Variants in NRXN2 observed in about 807,000 individuals in gnomAD.
NRXN2 encodes neurexin 2.
NRXN2 carries 29 observed loss-of-function variants against 128.8 expected under a neutral mutation model. The observed-to-expected ratio is 0.23, with a 90% CI of 0.17 to 0.31. The LOEUF (loss-of-function observed/expected upper bound fraction) is 0.31. Among genes scored for constraint, NRXN2 ranks in the 10% least tolerant of loss-of-function variants. The probability of loss-of-function intolerance (pLI) is 1.00; values close to 1 mark genes in which losing one functional copy is unlikely to be tolerated. For synonymous variants in NRXN2, 1,098 were observed against 1,075.2 expected (o/e 1.02, Z -0.41); for missense variants, 1,881 against 2,452.6 (o/e 0.77, Z 4.92).
chr11:64,648,345 G>A lies in NRXN2; in HGVS notation c.3284-7C>T. On this transcript the variant is annotated splice_region_variant and splice_polypyrimidine_tract_variant and intron_variant, in intron 16 of 22. Coordinates refer to ENST00000265459, the MANE Select transcript of NRXN2 (RefSeq NM_015080.4). The surrounding 1 kb of genome is among the most constrained non-coding windows in gnomAD (Gnocchi z 4.1). ...GTGCAGGTGGTGCTGGGGCCTGGAA[G>A]GGGCAGGAGAAAGGAACACCCCTGG... 1 of 1,614,162 alleles carries A rather than the reference G, an allele frequency of 6.2e-7. No individual in the cohort carries two copies. Among genetic ancestry groups the A allele is most frequent in the Non-Finnish European group, 8.5e-7 (1 of 1,180,018 alleles).
chr11:64,607,704 G>A lies in NRXN2; in HGVS notation c.4631C>T (p.Thr1544Met), dbSNP rs2039871718. Residue 1544 changes from threonine (T) to methionine (M), a missense_variant, in exon 23 of 23, where the codon ACG (threonine) becomes ATG (methionine). Transcript: ENST00000265459. The part of the protein sequence containing the change: ...PRPNLRTDGA[T>M]GAPGVLFAPS... ...GGCAAACAGCACCCCAGGGGCGCCC[G>A]TGGCCCCATCTGTCCTGAGGTTGGG... 2 of 1,547,906 alleles carry A rather than the reference G, an allele frequency of 1.3e-6. No individual in the cohort carries two copies. The highest frequency in any genetic ancestry group is 1.7e-6 in the Non-Finnish European group (2 of 1,144,296).
At chr11:64,704,753 A>T (rs2056041895) in intron 2 of NRXN2, among the ~76,000 whole-genome samples, 1 of 152,150 alleles carries the variant, frequency 6.6e-6, no homozygotes. Context: ...TCAGAAGTAC[A>T]GCAGTCAGGC....
chr11:64,618,919 G>A (rs537869522), intron 22 of NRXN2, among the ~76,000 whole-genome samples: 1 of 152,128 alleles, frequency 6.6e-6, no homozygotes, highest in Non-Finnish European at 1.5e-5. Flanking sequence ...GGGTCTGGGC[G>A]CCTGTGCCCC....
Position 64,623,100 on chromosome 11 carries a change from G to T in NRXN2, c.3848-22C>A. ...CGGCCTTGCAGGAGTGGAAGGGGGT[G>T]ACAGAGAAGGGGCAGGCAGTGAGGG... On this transcript the variant is annotated intron_variant, in intron 20 of 22. Coordinates refer to ENST00000265459, the MANE Select transcript of NRXN2 (RefSeq NM_015080.4). This position sits in a 1 kb window ranked among gnomAD's most constrained non-coding sequence, Gnocchi z 4.9. 1 of 1,585,302 alleles carries T rather than the reference G, an allele frequency of 6.3e-7. No individual in the cohort carries two copies. Among genetic ancestry groups the T allele is most frequent in the South Asian group, 1.1e-5 (1 of 87,736 alleles).
rs182958426 is a variant in NRXN2, at chr11:64,620,276, G to T, written c.4252+18C>A. ...TCGCAGAGGGACCCGGGGCAGGGGA[G>T]GGGGGAAAGGCACTCACCAGTACTG... is the stretch of plus-strand genomic sequence containing the variant. On this transcript the variant is annotated intron_variant, in intron 22 of 22. Transcript: ENST00000265459. The T allele has an allele frequency of 1.3e-6, 2 of 1,543,722 alleles. No individual in the cohort carries two copies. Among genetic ancestry groups the T allele is most frequent in the Non-Finnish European group, 1.8e-6 (2 of 1,140,558 alleles).
chr11:64,622,936 A>C lies in NRXN2; in HGVS notation c.3990T>G (p.Asn1330Lys), dbSNP rs1176724593. Residue 1330 changes from asparagine (N) to lysine (K), a missense_variant, in exon 21 of 23, where the codon AAT (asparagine) becomes AAG (lysine). Physicochemically the swap from Asn to Lys is moderately conservative, Grantham distance 94. Transcript: ENST00000265459. The surrounding 1 kb of genome is among the most constrained non-coding windows in gnomAD (Gnocchi z 4.3). ...GGCGCAGGTGACCCTCAGTCCGCAC[A>C]TTGGGGTCGCTCTCGGCGGCCAGCG... ...VLALAAESDP[N>K]VRTEGHLRLV... The C allele has an allele frequency of 3.7e-6, 6 of 1,613,160 alleles. No homozygotes were observed. The highest frequency in any genetic ancestry group is 5.1e-6 in the Non-Finnish European group (6 of 1,179,794).
intron 17 of NRXN2, among the ~76,000 whole-genome samples, chr11:64,638,608 G>C (rs1037176972): frequency 1.3e-5 from 2 of 152,212 alleles, no homozygotes; most frequent in African/African-American, 4.8e-5. Flanking sequence ...TCTAGAACCT[G>C]ACAGGCTCCA....
At chr11:64,719,882 G>T (rs2057390636) in intron 1 of NRXN2, among the ~76,000 whole-genome samples, 1 of 152,188 alleles carries the variant, frequency 6.6e-6, no homozygotes, top group African/African-American at 2.4e-5. Context: ...GTGCGTGCAG[G>T]GAAGGTTATG....
chr11:64,630,405 C>A lies in NRXN2; in HGVS notation c.3754G>T (p.Ala1252Ser). The A allele has an allele frequency of 6.2e-7, 1 of 1,611,030 alleles. No homozygotes were observed. The highest frequency in any genetic ancestry group is 8.5e-7 in the Non-Finnish European group (1 of 1,179,190). Residue 1252 changes from alanine (A) to serine (S), a missense_variant, in exon 19 of 23, where the codon GCA becomes TCA. Ala to Ser is a moderately conservative substitution (Grantham distance 99, BLOSUM62 1). Around this residue, in one of 7 missense-constraint regions of NRXN2, gnomAD observed 390 missense variants for 599.6 expected, o/e 0.65. Coordinates refer to ENST00000265459, the MANE Select transcript of NRXN2 (RefSeq NM_015080.4). The surrounding 1 kb of genome is among the most constrained non-coding windows in gnomAD (Gnocchi z 4.6). ...TCCGCGGGCCCGCGCCGCCTACCTG[C>A]CGGGTACCGCTCGTTGACCGGCCAG... ...DSWPVNERYP[A>S]GNFDNERLAI...
At chr11:64,700,324 C>T (rs2055158158) in intron 2 of NRXN2, among the ~76,000 whole-genome samples, 1 of 152,160 alleles carries the variant, frequency 6.6e-6, no homozygotes, top group Admixed American at 6.5e-5. Context: ...AAGCCATTCT[C>T]GACACCTCCA....
chr11:64,689,455 A>G (rs2053533064), intron 5 of NRXN2, among the ~76,000 whole-genome samples: 1 of 152,178 alleles, frequency 6.6e-6, no homozygotes, highest in Non-Finnish European at 1.5e-5. Context: ...GTGTTAGAAC[A>G]TCAATCAGCC....
chr11:64,634,593 G>GTGGAGC (rs553120245), intron 18 of NRXN2, among the ~76,000 whole-genome samples: 65 of 152,282 alleles, frequency 4.3e-4, no homozygotes, highest in South Asian at 1.5e-3. Flanking sequence ...GCTTCTCCCT[G>GTGGAGC]TGGAGCTGAG....
chr11:64,607,813 TG>T lies in NRXN2; in HGVS notation c.4521del (p.Thr1508ArgfsTer58). 3.1e-6 allele frequency: 5 copies of T among 1,600,060 alleles called. No homozygotes were observed. Among genetic ancestry groups the T allele is most frequent in the Admixed American group, 1.7e-5 (1 of 58,768 alleles). On this transcript the variant is annotated frameshift_variant, in exon 23 of 23. Transcript: ENST00000265459. LOFTEE classifies it low-confidence loss of function (END_TRUNC). ...SGEVFDSSLP[P>X]TDDEDFYTTF... ...GTGGTGTAAAAGTCCTCGTCGTCCG[TG>T]GGGGGGAGGCTGGAGTCAAAGACCT...
In NRXN2 at chr11:64,630,405, C is replaced by T. The variant is rs774749491; in HGVS notation, c.3754G>A (p.Ala1252Thr). Residue 1252 changes from alanine (A) to threonine (T), a missense_variant, in exon 19 of 23, where the codon GCA becomes ACA. Ala to Thr is a moderately conservative substitution (Grantham distance 58, BLOSUM62 0). Coordinates refer to ENST00000265459, the MANE Select transcript of NRXN2 (RefSeq NM_015080.4). The surrounding 1 kb of genome is among the most constrained non-coding windows in gnomAD (Gnocchi z 4.6). ...DSWPVNERYPAGNFDNERLAI... is the reference protein window; with the variant it reads ...DSWPVNERYPTGNFDNERLAI... ...TCCGCGGGCCCGCGCCGCCTACCTG[C>T]CGGGTACCGCTCGTTGACCGGCCAG... 8.7e-6 allele frequency: 14 copies of T among 1,611,030 alleles called. No homozygotes were observed. The South Asian group carries it at 1.4e-4, about 16-fold the overall frequency.
In NRXN2 at chr11:64,667,181, C is replaced by A; in HGVS notation, c.1798+69G>T. The A allele has an allele frequency of 1.3e-6, 2 of 1,500,472 alleles. No individual in the cohort carries two copies. The highest frequency in any genetic ancestry group is 1.8e-6 in the Non-Finnish European group (2 of 1,081,250). The allele number at this position is 1,500,472 out of a possible 1,614,324, so 92.9% of individuals were successfully genotyped here. ...GTAGAAGAGACCCGCTGAAGAGAGA[C>A]GGAGAGGATGTCAGGGCAGATGGAA... On this transcript the variant is annotated intron_variant, in intron 9 of 22. Transcript: ENST00000265459. The surrounding 1 kb of genome is among the most constrained non-coding windows in gnomAD (Gnocchi z 5.6).
At chr11:64,669,538 G>A (rs1365064446) in intron 7 of NRXN2, among the ~76,000 whole-genome samples, 1 of 152,172 alleles carries the variant, frequency 6.6e-6, no homozygotes, top group Non-Finnish European at 1.5e-5. Flanking sequence ...AGGAATGGGG[G>A]AGTACTTGGT....
In NRXN2 at chr11:64,623,155, G is replaced by C. The variant is rs2042614982; in HGVS notation, c.3848-77C>G. The C allele has an allele frequency of 1.3e-6, 2 of 1,515,232 alleles. No homozygotes were observed. The highest frequency in any genetic ancestry group is 1.7e-4 in the Middle Eastern group (1 of 5,716). 93.9% of individuals were successfully genotyped at this position (1,515,232 alleles called of 1,614,324 possible). ...CCAGGAAGGGAAGGAAGAAAAGAAGGAAGCCAAGGAGAGGAAAGAGGAATG... is the reference window on the plus strand; with the variant it reads ...CCAGGAAGGGAAGGAAGAAAAGAAGCAAGCCAAGGAGAGGAAAGAGGAATG... On this transcript the variant is annotated intron_variant, in intron 20 of 22. Coordinates refer to ENST00000265459, the MANE Select transcript of NRXN2 (RefSeq NM_015080.4). This position sits in a 1 kb window ranked among gnomAD's most constrained non-coding sequence, Gnocchi z 4.9.
chr11:64,704,446 C>G (rs2055929517), intron 2 of NRXN2, among the ~76,000 whole-genome samples: 1 of 152,074 alleles, frequency 6.6e-6, no homozygotes, highest in African/African-American at 2.4e-5. Flanking sequence ...AGCTGTAAAA[C>G]TGCATCCTTA....
intron 17 of NRXN2, among the ~76,000 whole-genome samples, chr11:64,645,910 G>A (rs1248071669): frequency 6.6e-6 from 1 of 152,152 alleles, no homozygotes; most frequent in Non-Finnish European, 1.5e-5. Flanking sequence ...GCCTCCCACG[G>A]GTGAAGGCAG....
Sources: gnomAD v4.1 joint callset for allele counts (sites outside exome capture counted in the v4.1 genomes callset) on GRCh38, gnomAD v4.1.1 for gene constraint, gnomAD v4.1.1 regional missense constraint, Gnocchi (gnomAD v3.1) non-coding constraint, MANE v1.5 for transcripts, NCBI Gene and HGNC (gene_info 2026-07-23, HGNC 2026-07-21) for gene names.